The following IRAK1BP1 variants were observed in gnomAD, a reference collection of about 807,000 sequenced individuals.
IRAK1BP1 encodes interleukin-1 receptor-associated kinase 1-binding protein 1.
IRAK1BP1 carries 24 observed loss-of-function variants against 28.0 expected under a neutral mutation model. The ratio of observed to expected loss-of-function variants is 0.86; its 90% CI spans 0.62 to 1.20. The LOEUF (loss-of-function observed/expected upper bound fraction) is 1.20, where lower values mean the gene tolerates loss of function less well. IRAK1BP1 is among the 50% of genes most tolerant of loss of function. The probability of loss-of-function intolerance (pLI) is 0.00; values close to 1 mark genes in which losing one functional copy is unlikely to be tolerated. For missense variants in IRAK1BP1, 336 were observed against 316.7 expected, an observed-to-expected ratio of 1.06 and a Z score of -0.46; for synonymous variants, 131 against 116.3, an observed-to-expected ratio of 1.13 and a Z score of -0.81.
chr6:78,953,352 C>A, the IRAK1BP1 span, among the ~76,000 whole-genome samples: 51,171 of 152,028 alleles, frequency 0.34, 8,773 homozygotes, highest in Non-Finnish European at 0.35. Context: ...AATACTTGTG[C>A]CTCTAGAATA....
chr6:78,927,134 A>G lies in IRAK1BP1; in HGVS notation c.*68-18274A>G, dbSNP rs145734979. 8.8e-3 allele frequency among the ~76,000 whole-genome samples: 1,347 copies of G among 152,208 alleles called. 21 individuals are homozygous for G. The highest frequency in any genetic ancestry group is 0.029 in the African/African-American group (1,218 of 41,536). ...TTGAGGAACCTCCAAACTATTCTCC[A>G]TAGTGGTTATACTAATTTACATTCC... On this transcript the variant is annotated intron_variant and NMD_transcript_variant, in intron 4 of 4. Transcript: ENST00000606868.
At chr6:78,898,016 A>G (rs1251508836) in intron 3 of IRAK1BP1, 48 bp from the exon 4 acceptor site, 1 of 1,606,274 alleles carries the variant, frequency 6.2e-7, no homozygotes, top group South Asian at 1.1e-5. Context: ...ATCCAGTGCT[A>G]CATTTCATTG....
intron 4 of IRAK1BP1, chr6:78,938,049 A>G (rs1474241235): frequency 6.6e-6 from 1 of 151,724 alleles, no homozygotes; most frequent in African/African-American, 2.4e-5. Flanking sequence ...CTCAAAGAGG[A>G]TTATTTTCCC....
At chr6:78,936,887 T>A (rs982760409) in intron 4 of IRAK1BP1, 1 of 151,794 alleles carries the variant, frequency 6.6e-6, no homozygotes, top group African/African-American at 2.4e-5. Context: ...TCAGATCACT[T>A]GGAAATTAGG....
intron 4 of IRAK1BP1, chr6:78,935,408 A>G: frequency 1.3e-6 from 1 of 744,064 alleles, no homozygotes; most frequent in Non-Finnish European, 1.6e-6. Flanking sequence ...CAATCTGACA[A>G]AATTTCTAGG....
Position 78,898,110 on chromosome 6 carries a change from C to G in IRAK1BP1, c.559C>G (p.Gln187Glu). ...VAVENAWRKA[Q>E]EVCNLVGQTL... ...TGTTGAGAATGCGTGGCGCAAAGCTCAAGAAGTCTGTAACCTTGTTGGCCA... is the reference window on the plus strand; with the variant it reads ...TGTTGAGAATGCGTGGCGCAAAGCTGAAGAAGTCTGTAACCTTGTTGGCCA... Residue 187 changes from glutamine to glutamate, a missense_variant, in exon 4 of 4, where the codon CAA (glutamine) becomes GAA (glutamate). Transcript: ENST00000369940. The G allele has an allele frequency of 1.2e-6, 2 of 1,613,614 alleles. No homozygotes were observed.
intron 4 of IRAK1BP1, among the ~76,000 whole-genome samples, chr6:78,924,133 G>T (rs1772822131): frequency 6.6e-6 from 1 of 152,062 alleles, no homozygotes; most frequent in South Asian, 2.1e-4. Flanking sequence ...TCCAGGAGTT[G>T]GTTTTTTGAA....
chr6:78,979,054 C>A, the IRAK1BP1 span, among the ~76,000 whole-genome samples: 2 of 152,052 alleles, frequency 1.3e-5, no homozygotes, highest in African/African-American at 2.4e-5. Flanking sequence ...ATATAGGAGA[C>A]TGTGTGTAGG....
downstream of IRAK1BP1, chr6:78,947,927 T>C: frequency 2.2e-6 from 1 of 447,844 alleles, no homozygotes; most frequent in Non-Finnish European, 4.0e-6. Context: ...CCCTTTTTTC[T>C]AATAATTCTT....
Position 78,902,805 on chromosome 6 carries a change from TACATACATACATACATA to T in IRAK1BP1, c.*4473_*4489del. ...ATACATACATACATACATACATACA[TACATACATACATACATA>T]AAATGCCCAGTATCTTACAAGACTG... On this transcript the variant is annotated 3_prime_UTR_variant, in exon 4 of 4. Transcript: ENST00000369940. The T allele has an allele frequency of 2.1e-6, 1 of 472,722 alleles. No individual in the cohort carries two copies. The highest frequency in any genetic ancestry group is 3.7e-6 in the Non-Finnish European group (1 of 268,512). The allele number at this position is 472,722 out of a possible 1,614,324, so 29.3% of individuals were successfully genotyped here. A position where few individuals can be genotyped will look rare whatever the true frequency, so the allele number is the denominator to read the frequency against.
intron 4 of IRAK1BP1, chr6:78,935,616 C>T: frequency 2.0e-6 from 2 of 980,140 alleles, no homozygotes; most frequent in Non-Finnish European, 2.4e-6. Context: ...CATAAAAAGG[C>T]ATATAAGTTT....
At chr6:78,918,010 C>T (rs545670163) in intron 4 of IRAK1BP1, among the ~76,000 whole-genome samples, 1 of 152,256 alleles carries the variant, frequency 6.6e-6, no homozygotes, top group South Asian at 2.1e-4. Context: ...AGTACATAGG[C>T]CACACAGTAG....
downstream of IRAK1BP1, chr6:78,946,880 A>AG (rs756702926): frequency 2.9e-5 from 45 of 1,538,362 alleles, no homozygotes; most frequent in Non-Finnish European, 3.6e-5. Flanking sequence ...TAAATCTGTG[A>AG]GGGAAAAAAA....
intron 4 of IRAK1BP1, chr6:78,937,249 A>T (rs1773307446): frequency 6.6e-6 from 1 of 151,788 alleles, no homozygotes; most frequent in South Asian, 2.1e-4. Context: ...GACATTTGAG[A>T]GAGATATACA....
At chr6:78,888,916 C>A (rs1443269725) in intron 2 of IRAK1BP1, among the ~76,000 whole-genome samples, 6 of 151,514 alleles carry the variant, frequency 4.0e-5, no homozygotes, top group Non-Finnish European at 1.5e-5. Context: ...CCAGGAGCTC[C>A]AGACCAACCT....
At chr6:78,879,034 A>C (rs1460055267) in intron 1 of IRAK1BP1, among the ~76,000 whole-genome samples, 1 of 152,186 alleles carries the variant, frequency 6.6e-6, no homozygotes, top group Non-Finnish European at 1.5e-5. Flanking sequence ...TGTACCTGAA[A>C]GTGACGGGGA....
At chr6:78,884,022 T>G (rs925715320) in intron 1 of IRAK1BP1, among the ~76,000 whole-genome samples, 4 of 152,188 alleles carry the variant, frequency 2.6e-5, no homozygotes, top group African/African-American at 9.7e-5. Flanking sequence ...CTGTACTGTT[T>G]AAGGGAGAAC....
the IRAK1BP1 span, chr6:78,970,070 G>C: frequency 6.2e-7 from 1 of 1,613,574 alleles, no homozygotes; most frequent in Non-Finnish European, 8.5e-7. Context: ...TGATCCGCCA[G>C]TCAGTTTACC....
downstream of IRAK1BP1, among the ~76,000 whole-genome samples, chr6:78,949,769 A>G (rs1774039594): frequency 6.6e-6 from 1 of 151,932 alleles, no homozygotes; most frequent in African/African-American, 2.4e-5. Context: ...GCTCACTGCA[A>G]TGTCTACCTC....
Sources: allele counts gnomAD v4.1 joint callset (sites outside exome capture counted in the v4.1 genomes callset), GRCh38; gene constraint gnomAD v4.1.1; transcripts MANE v1.5; gene names NCBI Gene and HGNC (gene_info 2026-07-23, HGNC 2026-07-21).